Variants in TYW1B observed in about 807,000 individuals in gnomAD.
The protein encoded by TYW1B is S-adenosyl-L-methionine-dependent tRNA 4-demethylwyosine synthase TYW1B.
TYW1B carries 73 observed loss-of-function variants against 86.9 expected under a neutral mutation model. The observed-to-expected ratio is 0.84, with a 90% confidence interval of 0.70 to 1.02. TYW1B has a LOEUF of 1.02. Ranked by LOEUF, TYW1B falls within the 50% of genes least tolerant of loss-of-function variation. The pLI is 0.00. For synonymous variants in TYW1B, 248 were observed against 292.8 expected (o/e 0.85, Z 1.56); for missense variants, 637 against 827.4 (o/e 0.77, Z 2.82).
intron 6 of TYW1B, among the ~76,000 whole-genome samples, chr7:72,778,156 T>C (rs1787989785): frequency 2.0e-5 from 3 of 152,180 alleles, no homozygotes; most frequent in Non-Finnish European, 2.9e-5. Flanking sequence ...TGAGTACAGA[T>C]AGCTGCCTAA....
At chr7:72,822,057 C>T (rs1395767279) in intron 2 of TYW1B, among the ~76,000 whole-genome samples, 1 of 150,770 alleles carries the variant, frequency 6.6e-6, no homozygotes, top group Non-Finnish European at 1.5e-5. Flanking sequence ...ACCAGACTGG[C>T]CAACATGCAG....
intron 6 of TYW1B, among the ~76,000 whole-genome samples, chr7:72,784,785 A>G (rs1381031522): frequency 1.3e-5 from 2 of 152,158 alleles, no homozygotes; most frequent in African/African-American, 4.8e-5. Flanking sequence ...GGCATAAGCC[A>G]CTGCGCCCGG....
chr7:72,635,285 T>C (rs1812639789), intron 11 of TYW1B, among the ~76,000 whole-genome samples: 2 of 152,230 alleles, frequency 1.3e-5, no homozygotes, highest in Admixed American at 6.6e-5. Flanking sequence ...ACTGATCTAA[T>C]TGTTTCTCAT....
intron 2 of TYW1B, among the ~76,000 whole-genome samples, chr7:72,822,737 G>A (rs78011977): frequency 0.083 from 10,403 of 125,674 alleles, no homozygotes; most frequent in Admixed American, 0.15. Flanking sequence ...GGCTGGGCAT[G>A]GTGATTCATG....
intron 7 of TYW1B, among the ~76,000 whole-genome samples, chr7:72,763,529 G>T (rs368683734): frequency 1.3e-5 from 2 of 151,962 alleles, no homozygotes; most frequent in South Asian, 2.1e-4. Context: ...TGATCCACCC[G>T]CCTCGGCCTC....
intron 6 of TYW1B, among the ~76,000 whole-genome samples, chr7:72,793,313 G>T (rs2129572323): frequency 6.6e-6 from 1 of 151,058 alleles, no homozygotes; most frequent in Admixed American, 6.6e-5. Context: ...CTCCAGCCTG[G>T]GCAACAGAGC....
At chr7:72,620,270 G>A (rs1460074520) in intron 12 of TYW1B, among the ~76,000 whole-genome samples, 19 of 152,186 alleles carry the variant, frequency 1.2e-4, no homozygotes, top group Middle Eastern at 6.8e-3. Flanking sequence ...GGTGGTGCCC[G>A]CCTGTAATCC....
chr7:72,776,556 CAAAAAA>C (rs67553013), intron 7 of TYW1B, among the ~76,000 whole-genome samples: 116 of 45,242 alleles, frequency 2.6e-3, no homozygotes, highest in Non-Finnish European at 2.7e-3. Flanking sequence ...GACTCTGTCT[CAAAAAA>C]AAAAAAAAAA....
chr7:72,608,271 T>C (rs1207537028), intron 13 of TYW1B, among the ~76,000 whole-genome samples: 1 of 152,124 alleles, frequency 6.6e-6, no homozygotes, highest in Non-Finnish European at 1.5e-5. Context: ...AGAATATGAG[T>C]AAATACAATA....
rs868931549 is a variant in TYW1B at position 72,728,846 on chromosome 7, G to A, written c.1168C>T (p.Gln390Ter). ...CCTTTAAACTGCTTAATCATGTTCT[G>A]ATGGTTTTCAATGGCTTCCTTCAAG... The part of the protein sequence containing the change: ...MILKEAIENH[Q>*]NMIKQFKGVP... The change falls in exon 9 of 14, where the codon CAG becomes TAG. Residue 390 changes from glutamine to a stop codon, truncating the protein, a stop_gained. Transcript: ENST00000620995. LOFTEE classifies it high-confidence loss of function. 1 of 1,613,704 alleles carries A rather than the reference G, an allele frequency of 6.2e-7. No individual in the cohort carries two copies. Among genetic ancestry groups the A allele is most frequent in the African/African-American group, 1.3e-5 (1 of 75,022 alleles).
intron 8 of TYW1B, among the ~76,000 whole-genome samples, chr7:72,733,023 C>A (rs1384235840): frequency 1.3e-5 from 2 of 152,064 alleles, no homozygotes; most frequent in Non-Finnish European, 2.9e-5. Context: ...TGTACACACA[C>A]AACCTACCAA....
rs782324892 is a variant in TYW1B, at chr7:72,694,720, T to C, written c.1473A>G (p.Gln491=). 4 of 1,613,602 alleles carry C rather than the reference T, an allele frequency of 2.5e-6. No individual in the cohort carries two copies. The highest frequency in any genetic ancestry group is 4.5e-5 in the East Asian group (2 of 44,872). Residue 491 remains glutamine, a synonymous_variant, in exon 11 of 14, where the codon CAA becomes CAG. Coordinates refer to ENST00000620995, the MANE Select transcript of TYW1B (RefSeq NM_001145440.3). ...DRPLFKDFWQ[Q]FLDSLKALAV... ...CCAAGGCTTTTAAACTGTCAAGGAA[T>C]TGCTGCCAGAAATCCTTGAAGAGTG...
intron 11 of TYW1B, among the ~76,000 whole-genome samples, chr7:72,692,473 C>T (rs187690496): frequency 1.2e-4 from 19 of 152,110 alleles, no homozygotes; most frequent in Non-Finnish European, 2.8e-4. Flanking sequence ...ATGATGGTGC[C>T]ACTGTGTTCT....
chr7:72,636,964 G>GT (rs1221510895), intron 11 of TYW1B, among the ~76,000 whole-genome samples: 1 of 152,112 alleles, frequency 6.6e-6, no homozygotes, highest in Admixed American at 6.6e-5. Flanking sequence ...ATCACCTGAG[G>GT]TTGGGAGTTT....
intron 2 of TYW1B, among the ~76,000 whole-genome samples, chr7:72,817,622 AG>A (rs1308371658): frequency 6.6e-6 from 1 of 152,106 alleles, no homozygotes; most frequent in African/African-American, 2.4e-5. Context: ...GGAGTTGTCC[AG>A]GTTCTTCACA....
intron 11 of TYW1B, among the ~76,000 whole-genome samples, chr7:72,658,258 A>C (rs1813252597): frequency 6.6e-6 from 1 of 152,134 alleles, no homozygotes; most frequent in African/African-American, 2.4e-5. Flanking sequence ...CTCAATAAAA[A>C]AAAAAAAAAA....
At chr7:72,593,293 C>CAAAAAAAG (rs1811443058) in intron 13 of TYW1B, among the ~76,000 whole-genome samples, 1 of 144,008 alleles carries the variant, frequency 6.9e-6, no homozygotes, top group African/African-American at 2.7e-5. Flanking sequence ...AACTCCATCT[C>CAAAAAAAG]AAAAAAAGAA....
intron 8 of TYW1B, among the ~76,000 whole-genome samples, chr7:72,734,991 T>C (rs575780625): frequency 2.0e-5 from 3 of 152,318 alleles, no homozygotes; most frequent in East Asian, 3.9e-4. Flanking sequence ...GGAACTCTTA[T>C]ACACTGTTGC....
intron 13 of TYW1B, among the ~76,000 whole-genome samples, chr7:72,590,415 T>TC (rs1554431206): frequency 6.6e-6 from 1 of 152,198 alleles, no homozygotes; most frequent in East Asian, 1.9e-4. Context: ...GCCAAGCCCC[T>TC]CCCCATCTAG....
Sources: gnomAD v4.1 joint callset for allele counts (sites outside exome capture counted in the v4.1 genomes callset) on GRCh38, gnomAD v4.1.1 for gene constraint, MANE v1.5 for transcripts, NCBI Gene and HGNC (gene_info 2026-07-23, HGNC 2026-07-21) for gene names.